Variants in SETD5 observed in about 807,000 individuals in gnomAD.
SETD5 encodes the protein SET domain containing 5, also known as histone-lysine N-methyltransferase SETD5.
In SETD5, 44 loss-of-function variants were observed where a neutral mutation model predicts 153.3. The ratio of observed to expected loss-of-function variants is 0.29; its 90% CI spans 0.23 to 0.37. The LOEUF (loss-of-function observed/expected upper bound fraction) is 0.37. Among genes scored for constraint, SETD5 ranks in the 10% least tolerant of loss-of-function variants. SETD5 has a pLI of 1.00. For synonymous variants in SETD5, 716 were observed against 645.2 expected (o/e 1.11, Z -1.66); for missense variants, 1,544 against 1,768.0 (o/e 0.87, Z 2.27).
chr3:9,413,651 T>G lies in SETD5; in HGVS notation c.-176-10816T>G, dbSNP rs200608567. Among the ~76,000 whole-genome samples the G allele has an allele frequency of 7.8e-4, 27 of 34,728 alleles. No homozygotes were observed. The South Asian group carries it at 0.012, about 16-fold the overall frequency. The allele number at this position is 34,728 out of a possible 152,430, so 22.8% of individuals were successfully genotyped here. A position where few individuals can be genotyped will look rare whatever the true frequency, so the allele number is the denominator to read the frequency against. ...CTTCTTCGGGTGGGGGGAGGCGGGG[T>G]GTGTGTGTGTGTGTGTGTGTGTGTG... is the stretch of plus-strand genomic sequence containing the variant. On this transcript the variant is annotated intron_variant, in intron 1 of 22. Transcript: ENST00000402198.
In SETD5 at chr3:9,475,060, C is replaced by T; in HGVS notation, c.3632-8C>T. ...AGTTGATTTTTTTTTATATATGTTA[C>T]CTTCCAGACCCTGCAGATGGAGAAG... On this transcript the variant is annotated splice_region_variant and splice_polypyrimidine_tract_variant and intron_variant, in intron 21 of 22. Transcript: ENST00000402198. 3 of 1,567,482 alleles carry T rather than the reference C, an allele frequency of 1.9e-6. No individual in the cohort carries two copies. The highest frequency in any genetic ancestry group is 2.6e-6 in the Non-Finnish European group (3 of 1,157,372).
In SETD5 at chr3:9,441,612, C is replaced by G; in HGVS notation, c.830C>G (p.Thr277Ser). The G allele has an allele frequency of 6.2e-7, 1 of 1,613,918 alleles. No homozygotes were observed. The highest frequency in any genetic ancestry group is 8.5e-7 in the Non-Finnish European group (1 of 1,179,838). ...SQMQLQLGRV[T>S]RVQKHRKILR... ...ATTCAGTTACAGCTGGGAAGAGTCA[C>G]TCGTGTTCAAAAGCACCGGAAGATC... Residue 277 changes from threonine (T) to serine (S), a missense_variant, in exon 9 of 23, where the codon ACT becomes AGT. Thr to Ser is a moderately conservative substitution (Grantham distance 58, BLOSUM62 1). This residue lies in a region of SETD5 where 30 missense variants were observed against 66.0 expected (regional missense o/e 0.45). Transcript: ENST00000402198.
intron 1 of SETD5, among the ~76,000 whole-genome samples, chr3:9,420,898 T>C (rs996766409): frequency 2.6e-5 from 4 of 152,150 alleles, no homozygotes; most frequent in South Asian, 2.1e-4. Context: ...ACTTGAAATA[T>C]ATGCTTTTGG....
rs982304134 is a variant in SETD5, at chr3:9,417,343, G to GT, written c.-176-7118dup. On this transcript the variant is annotated intron_variant, in intron 1 of 22. Transcript: ENST00000402198. The stretch of plus-strand genomic sequence containing the variant: ...TAGTGCCAGCACAACAAAAAAGAGG[G>GT]TTTTTTCCCTCATTTGGCCAGGGCA... 5.3e-5 allele frequency among the ~76,000 whole-genome samples: 8 copies of GT among 152,140 alleles called. No individual in the cohort carries two copies. The South Asian group carries it at 6.2e-4, about 12-fold the overall frequency.
intron 18 of SETD5, among the ~76,000 whole-genome samples, chr3:9,469,510 A>G (rs917825973): frequency 2.0e-5 from 3 of 152,258 alleles, no homozygotes; most frequent in East Asian, 1.9e-4. Context: ...ACAGGTTAAT[A>G]TGAAACTGAA....
In SETD5 at chr3:9,464,498, T is replaced by G; in HGVS notation, c.2550T>G (p.Pro850=). The G allele has an allele frequency of 1.2e-6, 2 of 1,614,026 alleles. No individual in the cohort carries two copies. Among genetic ancestry groups the G allele is most frequent in the Non-Finnish European group, 1.7e-6 (2 of 1,179,886 alleles). ...AGAATGTCACCAAGTTACTTCGGCC[T>G]CTGTCTCCAGTCACACCACCCCCTC... The part of the protein sequence containing the change: ...MEQNVTKLLR[P]LSPVTPPPPN... The change falls in exon 18 of 23, where the codon CCT becomes CCG. Residue 850 remains proline, a synonymous_variant. Coordinates refer to ENST00000402198, the MANE Select transcript of SETD5 (RefSeq NM_001080517.3).
Position 9,434,793 on chromosome 3 carries a change from G to A in SETD5, c.330-31G>A, listed in dbSNP as rs772682389. The A allele has an allele frequency of 2.5e-6, 4 of 1,602,714 alleles. No homozygotes were observed. Among genetic ancestry groups the A allele is most frequent in the Non-Finnish European group, 3.4e-6 (4 of 1,174,636 alleles). ...TATGATGTGATGCATGCTGTTGGAA[G>A]GACTACTTTAAGTTTATTTTCCCTC... On this transcript the variant is annotated intron_variant, in intron 5 of 22. Transcript: ENST00000402198. This position sits in a 1 kb window ranked among gnomAD's most constrained non-coding sequence, Gnocchi z 5.6.
intron 1 of SETD5, among the ~76,000 whole-genome samples, chr3:9,420,837 T>A (rs1217678144): frequency 6.6e-6 from 1 of 152,066 alleles, no homozygotes; most frequent in Non-Finnish European, 1.5e-5. Context: ...CTCTCATTTT[T>A]TTTTTTCATG....
intron 17 of SETD5, among the ~76,000 whole-genome samples, chr3:9,460,554 A>G (rs1331681901): frequency 2.0e-5 from 3 of 152,116 alleles, no homozygotes; most frequent in Non-Finnish European, 4.4e-5. Context: ...TAACAATTTT[A>G]ATAAAAAGTA....
chr3:9,473,604 C>T (rs1284722807), intron 20 of SETD5, 67 bp downstream of exon 20: 5 of 1,447,562 alleles, frequency 3.5e-6, no homozygotes, highest in Non-Finnish European at 4.7e-6. Context: ...TAAGATCATT[C>T]CCAGTTTTAC....
intron 13 of SETD5, among the ~76,000 whole-genome samples, chr3:9,446,039 G>A (rs1482798538): frequency 7.1e-6 from 1 of 140,370 alleles, no homozygotes; most frequent in Non-Finnish European, 1.5e-5. Flanking sequence ...TGTAATCCCA[G>A]CACTTTGGGA....
At chr3:9,468,974 T>C (rs2044976211) in intron 18 of SETD5, among the ~76,000 whole-genome samples, 1 of 152,172 alleles carries the variant, frequency 6.6e-6, no homozygotes, top group African/African-American at 2.4e-5. Flanking sequence ...TTGTAAGAGC[T>C]GTTTTTTGAG....
chr3:9,418,092 C>A (rs1217669943), intron 1 of SETD5, among the ~76,000 whole-genome samples: 1 of 151,680 alleles, frequency 6.6e-6, no homozygotes, highest in Non-Finnish European at 1.5e-5. Flanking sequence ...AGGCGCCTGC[C>A]ACCGCTCCCG....
At chr3:9,443,467 T>G in intron 11 of SETD5, 50 bp downstream of exon 11, 1 of 1,022,120 alleles carries the variant, frequency 9.8e-7, no homozygotes, top group Middle Eastern at 2.4e-4. Context: ...TCTTACATAT[T>G]AAGCTATTCA....
At position 9,434,739 on chromosome 3, in the gene SETD5, A is replaced by G; in HGVS notation, c.330-85A>G. The G allele has an allele frequency of 6.7e-7, 1 of 1,500,894 alleles. No individual in the cohort carries two copies. The highest frequency in any genetic ancestry group is 1.3e-5 in the South Asian group (1 of 75,638). The allele number at this position is 1,500,894 out of a possible 1,614,324, so 93.0% of individuals were successfully genotyped here. On this transcript the variant is annotated intron_variant, in intron 5 of 22. Transcript: ENST00000402198. The surrounding 1 kb of genome is among the most constrained non-coding windows in gnomAD (Gnocchi z 5.6). The stretch of plus-strand genomic sequence containing the variant: ...TGGTAGGTGGGAGGGAGGGGGTAGC[A>G]TATGCAGAGACACTTCGCCCATGTG...
chr3:9,474,705 C>A (rs2045672651), intron 21 of SETD5, 123 bp downstream of exon 21: 4 of 1,357,236 alleles, frequency 2.9e-6, no homozygotes, highest in Non-Finnish European at 4.0e-6. Flanking sequence ...CCACCGCATG[C>A]TAGGTTCCAG....
intron 2 of SETD5, among the ~76,000 whole-genome samples, chr3:9,425,388 T>G (rs56782786): frequency 8.6e-5 from 13 of 152,036 alleles, no homozygotes; most frequent in Non-Finnish European, 1.5e-5. Context: ...TAAGGATTCA[T>G]CAACTATCCA....
Position 9,410,685 on chromosome 3 carries a change from C to A in SETD5, c.-177+12708C>A, listed in dbSNP as rs186518539. Among the ~76,000 whole-genome samples the A allele has an allele frequency of 1.9e-4, 29 of 152,182 alleles. 1 individual carries two copies. In the South Asian group the frequency reaches 2.3e-3, roughly 12 times the overall value. ...TCAGAGTGATGTTTTGTCGATACTT[C>A]CCCTTTTAGCAGAAGAAGCATTTAG... On this transcript the variant is annotated intron_variant, in intron 1 of 22. Transcript: ENST00000402198.
chr3:9,412,349 C>G (rs924339506), intron 1 of SETD5, among the ~76,000 whole-genome samples: 1 of 141,918 alleles, frequency 7.0e-6, no homozygotes. Context: ...CCCCCACCAC[C>G]AAAAAAATAA....
Sources: allele counts gnomAD v4.1 joint callset (sites outside exome capture counted in the v4.1 genomes callset), GRCh38; gene constraint gnomAD v4.1.1; regional missense constraint gnomAD v4.1.1; non-coding constraint Gnocchi (gnomAD v3.1); transcripts MANE v1.5; gene names NCBI Gene and HGNC (gene_info 2026-07-23, HGNC 2026-07-21).